The following FIG4 variants were observed in gnomAD, a reference collection of about 807,000 sequenced individuals.
FIG4 encodes polyphosphoinositide phosphatase.
A neutral mutation model predicts 118.6 loss-of-function variants in FIG4; 112 were observed. The ratio of observed to expected loss-of-function variants is 0.94; its 90% CI spans 0.81 to 1.11. The LOEUF is 1.11. Ranked by LOEUF, FIG4 falls within the 50% of genes least tolerant of loss-of-function variation. The pLI is 0.00. For synonymous variants in FIG4, 369 were observed against 381.2 expected, an observed-to-expected ratio of 0.97 and a Z score of 0.37; for missense variants, 969 against 1,111.7, an observed-to-expected ratio of 0.87 and a Z score of 1.83.
intron 1 of FIG4, among the ~76,000 whole-genome samples, chr6:109,692,708 T>TC (rs200746053): frequency 0.014 from 2,178 of 152,006 alleles, 54 homozygotes; most frequent in African/African-American, 0.05. Flanking sequence ...TTTTTTTTTT[T>TC]CCCTTTGAGA....
At chr6:109,698,215 T>G (rs1411212344) in intron 1 of FIG4, among the ~76,000 whole-genome samples, 3 of 152,044 alleles carry the variant, frequency 2.0e-5, no homozygotes, top group Non-Finnish European at 2.9e-5. Context: ...TTTTTATTTT[T>G]TAGTGTCATT....
chr6:109,822,816 TATATATATATATC>T (rs1562702974), intron 22 of FIG4, among the ~76,000 whole-genome samples: 1 of 123,290 alleles, frequency 8.1e-6, no homozygotes, highest in African/African-American at 2.7e-5. Flanking sequence ...TATATATATA[TATATATATATATC>T]GCTTTCTTCA....
intron 2 of FIG4, among the ~76,000 whole-genome samples, chr6:109,715,904 A>G (rs997734186): frequency 3.9e-5 from 6 of 152,188 alleles, no homozygotes; most frequent in African/African-American, 1.4e-4. Context: ...GCTACTTGTA[A>G]CAAAACTATT....
At position 109,766,760 on chromosome 6, in the gene FIG4, G is replaced by C; in HGVS notation, c.1615G>C (p.Asp539His). 1 of 1,613,870 alleles carries C rather than the reference G, an allele frequency of 6.2e-7. No homozygotes were observed. Among genetic ancestry groups the C allele is most frequent in the South Asian group, 1.1e-5 (1 of 91,068 alleles). Residue 539 changes from aspartate (D) to histidine (H), a missense_variant, in exon 15 of 23, where the codon GAT becomes CAT. Asp to His is a moderately conservative substitution (Grantham distance 81). This residue lies in a region of FIG4 where 246 missense variants were observed against 354.3 expected (regional missense o/e 0.69). Coordinates refer to ENST00000230124, the MANE Select transcript of FIG4 (RefSeq NM_014845.6). ...LFEELYEDHG[D>H]TLSLQYGGSQ... ...TGAGGAACTCTATGAAGATCATGGT[G>C]ATACCCTATCCCTTCAGTATGGTGG...
At chr6:109,786,132 T>G (rs1777948128) in intron 17 of FIG4, 170 bp from the exon 18 acceptor site, 1 of 615,444 alleles carries the variant, frequency 1.6e-6, no homozygotes, top group Admixed American at 2.8e-5. Context: ...TGCATCTATC[T>G]CATCTCCTTT....
chr6:109,815,454 T>C (rs1348447419), intron 22 of FIG4, among the ~76,000 whole-genome samples: 1 of 151,828 alleles, frequency 6.6e-6, no homozygotes, highest in Non-Finnish European at 1.5e-5. Context: ...TCTGGAGGGA[T>C]GGCCTTCTCT....
At position 109,763,963 on chromosome 6, in the gene FIG4, T is replaced by G; in HGVS notation, c.1415T>G (p.Ile472Ser). 1 of 1,610,620 alleles carries G rather than the reference T, an allele frequency of 6.2e-7. No individual in the cohort carries two copies. The highest frequency in any genetic ancestry group is 8.5e-7 in the Non-Finnish European group (1 of 1,176,788). The change falls in exon 13 of 23, where the codon ATT becomes AGT. Residue 472 changes from isoleucine (I) to serine (S), a missense_variant. This residue lies in a region of FIG4 where 246 missense variants were observed against 354.3 expected (regional missense o/e 0.69). Coordinates refer to ENST00000230124, the MANE Select transcript of FIG4 (RefSeq NM_014845.6). ...EKWNELGGCV[I>S]PTGRLQTGIL... The stretch of plus-strand genomic sequence containing the variant: ...TGGAATGAACTAGGAGGATGTGTGA[T>G]TCCCACTGGTCGCCTGCAGGTATAC...
chr6:109,811,369 CCTT>C (rs1429472899), intron 22 of FIG4, among the ~76,000 whole-genome samples: 1 of 152,074 alleles, frequency 6.6e-6, no homozygotes, highest in Admixed American at 6.6e-5. Flanking sequence ...AGGCAGATGA[CCTT>C]CTATCAGCAA....
rs1486486009 is a variant in FIG4 at position 109,745,155 on chromosome 6, C to T, written c.1137+1383C>T. Among the ~76,000 whole-genome samples the T allele has an allele frequency of 3.3e-5, 5 of 152,084 alleles. No individual in the cohort carries two copies. In the East Asian group the frequency reaches 7.7e-4, roughly 24 times the overall value. ...GATTCATAATCCTTTGGGTATATAC[C>T]CAGTAATGGGATTGCTGGGTCAAAT... On this transcript the variant is annotated intron_variant, in intron 10 of 22. Coordinates refer to ENST00000230124, the MANE Select transcript of FIG4 (RefSeq NM_014845.6).
chr6:109,702,517 C>A (rs1156253778), intron 1 of FIG4, among the ~76,000 whole-genome samples: 1 of 152,128 alleles, frequency 6.6e-6, no homozygotes, highest in Non-Finnish European at 1.5e-5. Flanking sequence ...AAATCCCAAG[C>A]CCCAGCATAT....
rs550674247 is a variant in FIG4 at position 109,745,369 on chromosome 6, G to A, written c.1137+1597G>A. Reference sequence around the variant, plus strand: ...TGAGATGGTATCTCATTGTGGTTTTGATTTGCATTTTTCTAATGACCAGTG... The same window carrying A: ...TGAGATGGTATCTCATTGTGGTTTTAATTTGCATTTTTCTAATGACCAGTG... On this transcript the variant is annotated intron_variant, in intron 10 of 22. Transcript: ENST00000230124. Among the ~76,000 whole-genome samples the A allele has an allele frequency of 1.3e-3, 196 of 152,280 alleles. 2 individuals are homozygous for A. In the South Asian group the frequency reaches 0.038, roughly 30 times the overall value.
chr6:109,782,459 T>A (rs1777833954), intron 16 of FIG4, among the ~76,000 whole-genome samples: 2 of 152,240 alleles, frequency 1.3e-5, no homozygotes, highest in Non-Finnish European at 2.9e-5. Context: ...GTAATATTTT[T>A]AAAAAGTTTA....
At chr6:109,806,002 A>G (rs1172763811) in intron 22 of FIG4, among the ~76,000 whole-genome samples, 1 of 152,192 alleles carries the variant, frequency 6.6e-6, no homozygotes, top group African/African-American at 2.4e-5. Flanking sequence ...AAAACAAAAA[A>G]TGTAATTTTA....
intron 16 of FIG4, among the ~76,000 whole-genome samples, chr6:109,781,954 T>G (rs995419786): frequency 2.6e-5 from 4 of 151,962 alleles, no homozygotes; most frequent in African/African-American, 9.7e-5. Context: ...AACTACACTA[T>G]TGCCCTGCCC....
chr6:109,697,818 T>C (rs1774775934), intron 1 of FIG4, among the ~76,000 whole-genome samples: 1 of 152,216 alleles, frequency 6.6e-6, no homozygotes, highest in African/African-American at 2.4e-5. Context: ...ATTGAATTTC[T>C]TTGGCATCCT....
chr6:109,812,819 A>G (rs1431808712), intron 22 of FIG4, among the ~76,000 whole-genome samples: 1 of 152,170 alleles, frequency 6.6e-6, no homozygotes, highest in Non-Finnish European at 1.5e-5. Flanking sequence ...TATGAACTTG[A>G]GGAATGATCG....
chr6:109,705,192 G>A (rs1365294726), intron 1 of FIG4, among the ~76,000 whole-genome samples: 1 of 152,082 alleles, frequency 6.6e-6, no homozygotes, highest in Non-Finnish European at 1.5e-5. Flanking sequence ...GGTCCATTTT[G>A]AAGCATACTA....
At chr6:109,711,663 G>C (rs1336994382) in intron 1 of FIG4, among the ~76,000 whole-genome samples, 1 of 151,962 alleles carries the variant, frequency 6.6e-6, no homozygotes, top group African/African-American at 2.4e-5. Context: ...GGGTTTCATT[G>C]CATGTAAGAT....
At chr6:109,705,979 T>C (rs1775054501) in intron 1 of FIG4, among the ~76,000 whole-genome samples, 1 of 152,226 alleles carries the variant, frequency 6.6e-6, no homozygotes, top group Non-Finnish European at 1.5e-5. Flanking sequence ...GCTGGGTTAG[T>C]GTAAATGTCT....
Sources: allele counts gnomAD v4.1 joint callset (sites outside exome capture counted in the v4.1 genomes callset), GRCh38; gene constraint gnomAD v4.1.1; regional missense constraint gnomAD v4.1.1; transcripts MANE v1.5; gene names NCBI Gene and HGNC (gene_info 2026-07-23, HGNC 2026-07-21).